PCDH15: variants seen among roughly 807,000 people sequenced by gnomAD.
PCDH15 encodes protocadherin related 15, also known as protocadherin-15.
In PCDH15, 129 loss-of-function variants were observed where a neutral mutation model predicts 178.5. The observed-to-expected ratio is 0.72, with a 90% confidence interval of 0.63 to 0.84. PCDH15 has a LOEUF of 0.84. Ranked by LOEUF, PCDH15 falls within the 40% of genes least tolerant of loss-of-function variation. The probability of loss-of-function intolerance (pLI) is 0.00; values close to 1 mark genes in which losing one functional copy is unlikely to be tolerated. For synonymous variants in PCDH15, 800 were observed against 732.0 expected, an observed-to-expected ratio of 1.09 and a Z score of -1.50; for missense variants, 2,230 against 2,099.9, an observed-to-expected ratio of 1.06 and a Z score of -1.21.
At chr10:55,278,285 T>A (rs1385948460) in intron 1 of PCDH15, among the ~76,000 whole-genome samples, 1 of 152,174 alleles carries the variant, frequency 6.6e-6, no homozygotes. Context: ...CTAAAGAATC[T>A]TAAGTTGTGG....
At chr10:54,561,898 G>A (rs1224495950) in intron 2 of PCDH15, among the ~76,000 whole-genome samples, 1 of 150,448 alleles carries the variant, frequency 6.6e-6, no homozygotes, top group East Asian at 1.9e-4. Flanking sequence ...CAGCCAGGAT[G>A]GTTTCGATCT....
At chr10:54,780,427 G>T (rs954474267) in intron 1 of PCDH15, among the ~76,000 whole-genome samples, 2 of 151,986 alleles carry the variant, frequency 1.3e-5, no homozygotes, top group Non-Finnish European at 2.9e-5. Flanking sequence ...GGAACTGGGA[G>T]AACTGTTTGT....
chr10:54,819,722 C>A (rs931448206), intron 3 of PCDH15, among the ~76,000 whole-genome samples: 1 of 151,976 alleles, frequency 6.6e-6, no homozygotes, highest in East Asian at 1.9e-4. Context: ...TAAGCCATTA[C>A]TCCAAAGACT....
At chr10:54,492,310 C>T (rs2079673518) in intron 3 of PCDH15, among the ~76,000 whole-genome samples, 1 of 152,154 alleles carries the variant, frequency 6.6e-6, no homozygotes, top group Admixed American at 6.6e-5. Context: ...GTCAAAGACG[C>T]TCAGCTGTCT....
At chr10:54,314,532 T>TA (rs928525825) in intron 8 of PCDH15, among the ~76,000 whole-genome samples, 2 of 152,118 alleles carry the variant, frequency 1.3e-5, no homozygotes, top group African/African-American at 4.8e-5. Flanking sequence ...GAAACTTTTT[T>TA]AAAAAAAGAG....
At chr10:55,061,246 G>T (rs1471558448) in intron 2 of PCDH15, among the ~76,000 whole-genome samples, 1 of 152,080 alleles carries the variant, frequency 6.6e-6, no homozygotes, top group South Asian at 2.1e-4. Context: ...TTTATAAAAA[G>T]CGAAAAACCT....
chr10:55,293,230 A>G (rs2440732), intron 1 of PCDH15, among the ~76,000 whole-genome samples: 147,218 of 152,266 alleles, frequency 0.97, 71,217 homozygotes, highest in East Asian at 1. Flanking sequence ...AGCCACAGCC[A>G]GAGAAGCTGT....
At chr10:55,151,080 T>C (rs1368733945) in intron 2 of PCDH15, among the ~76,000 whole-genome samples, 13 of 152,084 alleles carry the variant, frequency 8.5e-5, no homozygotes, top group Admixed American at 7.9e-4. Flanking sequence ...ACAGATTCCA[T>C]TGTGCCTTTC....
intron 1 of PCDH15, among the ~76,000 whole-genome samples, chr10:55,292,326 G>A (rs767476381): frequency 3.3e-5 from 5 of 152,112 alleles, no homozygotes; most frequent in Non-Finnish European, 5.9e-5. Flanking sequence ...CAGGCCCCAA[G>A]CAAATCTAAA....
At chr10:54,297,697 G>T (rs944957478) in intron 8 of PCDH15, among the ~76,000 whole-genome samples, 2 of 152,174 alleles carry the variant, frequency 1.3e-5, no homozygotes, top group South Asian at 4.1e-4. Context: ...AGGGGAATTT[G>T]GCCCAACGTG....
At chr10:54,353,279 T>C (rs1944448068) in intron 5 of PCDH15, among the ~76,000 whole-genome samples, 1 of 152,144 alleles carries the variant, frequency 6.6e-6, no homozygotes, top group African/African-American at 2.4e-5. Flanking sequence ...ATACATATTC[T>C]TGAATTCAAA....
chr10:55,565,653 GGT>G (rs1366287887), intron 2 of PCDH15, among the ~76,000 whole-genome samples: 1 of 151,482 alleles, frequency 6.6e-6, no homozygotes, highest in Non-Finnish European at 1.5e-5. Flanking sequence ...AAATGAAAAT[GGT>G]GACTTTGCTA....
At chr10:53,897,959 C>CTTTTTTTTTTTTTTTT (rs66513139) in intron 26 of PCDH15, among the ~76,000 whole-genome samples, 13 of 82,406 alleles carry the variant, frequency 1.6e-4, no homozygotes, top group African/African-American at 6.0e-4. Flanking sequence ...TTTCTTTTCC[C>CTTTTTTTTTTTTTTTT]TTTTTTTTTT....
intron 2 of PCDH15, among the ~76,000 whole-genome samples, chr10:55,466,751 C>T (rs777689935): frequency 6.6e-6 from 1 of 152,040 alleles, no homozygotes; most frequent in East Asian, 1.9e-4. Flanking sequence ...AAGAATATAA[C>T]GGGGAAAAAA....
intron 1 of PCDH15, among the ~76,000 whole-genome samples, chr10:54,716,330 C>T (rs1374776252): frequency 1.3e-5 from 2 of 152,136 alleles, no homozygotes; most frequent in Admixed American, 1.3e-4. Context: ...GTGACACCTA[C>T]TGGCCTAGAG....
At chr10:54,587,322 C>T (rs2091548593) in intron 2 of PCDH15, among the ~76,000 whole-genome samples, 2 of 151,644 alleles carry the variant, frequency 1.3e-5, no homozygotes. Context: ...AAAAGTACAA[C>T]ATAAAGTAAA....
chr10:53,823,597 C>CTAGAT (rs1564542017), intron 32 of PCDH15, among the ~76,000 whole-genome samples: 2 of 151,956 alleles, frequency 1.3e-5, no homozygotes, highest in African/African-American at 4.8e-5. Context: ...GTACTCATCT[C>CTAGAT]TAGATTATTT....
intron 2 of PCDH15, among the ~76,000 whole-genome samples, chr10:55,165,242 A>G (rs1839166186): frequency 6.6e-6 from 1 of 151,970 alleles, no homozygotes; most frequent in Non-Finnish European, 1.5e-5. Context: ...ATTTTTTTGC[A>G]TGAAAAAATT....
chr10:54,576,641 A>G (rs1031047182), intron 2 of PCDH15, among the ~76,000 whole-genome samples: 3 of 152,316 alleles, frequency 2.0e-5, no homozygotes, highest in Admixed American at 1.3e-4. Context: ...TAAGGAATTC[A>G]GTCAGACTCA....
Sources: allele counts gnomAD v4.1 joint callset (sites outside exome capture counted in the v4.1 genomes callset), GRCh38; gene constraint gnomAD v4.1.1; transcripts MANE v1.5; gene names NCBI Gene and HGNC (gene_info 2026-07-23, HGNC 2026-07-21).